Variants in CTNS observed in about 807,000 individuals in gnomAD.
CTNS encodes the protein cystinosin.
In CTNS, 27 loss-of-function variants were observed where a neutral mutation model predicts 43.7. The ratio of observed to expected loss-of-function variants is 0.62; its 90% CI spans 0.46 to 0.85. The LOEUF is 0.85. CTNS is among the 40% of genes least tolerant of loss of function. The probability of loss-of-function intolerance (pLI) is 0.00; values close to 1 mark genes in which losing one functional copy is unlikely to be tolerated. For synonymous variants in CTNS, 187 were observed against 190.6 expected, an observed-to-expected ratio of 0.98 and a Z score of 0.16; for missense variants, 457 against 475.4, an observed-to-expected ratio of 0.96 and a Z score of 0.36.
At position 3,662,299 on chromosome 17, in the gene CTNS, G is replaced by A. The variant is rs910790603; in HGVS notation, c.*1930G>A. The stretch of plus-strand genomic sequence containing the variant: ...GCACTCCAGCCTGGGCAACAAGAAC[G>A]AAACTCCATCTCAAAAAAAAAAAAA... On this transcript the variant is annotated 3_prime_UTR_variant, in exon 12 of 12. Transcript: ENST00000046640. Among the ~76,000 whole-genome samples the A allele has an allele frequency of 2.3e-5, 3 of 128,924 alleles. No homozygotes were observed. Among genetic ancestry groups the A allele is most frequent in the Middle Eastern group, 3.8e-3 (1 of 264 alleles). 84.6% of individuals were successfully genotyped at this position (128,924 alleles called of 152,430 possible).
chr17:3,654,944 G>A (rs761775514), intron 5 of CTNS, 54 bp from the exon 6 acceptor site: 18 of 1,272,996 alleles, frequency 1.4e-5, no homozygotes, highest in African/African-American at 2.9e-5. Context: ...AGATGCCAGC[G>A]GGGTCCTCGG....
At chr17:3,652,573 C>T (rs144224920) in intron 5 of CTNS, among the ~76,000 whole-genome samples, 1 of 152,220 alleles carries the variant, frequency 6.6e-6, no homozygotes, top group Non-Finnish European at 1.5e-5. Context: ...GCCTGGGTGA[C>T]ATGAGCAAAA....
At chr17:3,642,723 T>TA (rs1479801239) in intron 3 of CTNS, among the ~76,000 whole-genome samples, 2 of 152,098 alleles carry the variant, frequency 1.3e-5, no homozygotes, top group Non-Finnish European at 2.9e-5. Flanking sequence ...GAAGCCACCA[T>TA]AAAATCAAGT....
chr17:3,647,265 T>C (rs961400423), intron 3 of CTNS, among the ~76,000 whole-genome samples, 179 bp from the exon 4 acceptor site: 2 of 152,208 alleles, frequency 1.3e-5, no homozygotes, highest in Admixed American at 1.3e-4. Flanking sequence ...CATCTCTGTC[T>C]CTGGCAGCAG....
chr17:3,647,365 C>G, intron 3 of CTNS, 79 bp from the exon 4 acceptor site: 1 of 1,209,434 alleles, frequency 8.3e-7, no homozygotes. Context: ...GTTCAGATGT[C>G]AGGGGTTTCG....
chr17:3,660,306 C>G lies in CTNS; in HGVS notation c.1041C>G (p.Val347=), dbSNP rs779369414. The G allele has an allele frequency of 6.2e-6, 10 of 1,614,154 alleles. No homozygotes were observed. Among genetic ancestry groups the G allele is most frequent in the Non-Finnish European group, 8.5e-6 (10 of 1,180,054 alleles). ...GLGVFSIVFD[V]VFFIQHFCLY... ...GGGTCTTCTCCATCGTCTTCGACGT[C>G]GTCTTCTTCATCCAGCACTTCTGTT... is the stretch of plus-strand genomic sequence containing the variant. The change falls in exon 12 of 12, where the codon GTC becomes GTG. Residue 347 remains valine (V), a synonymous_variant. Coordinates refer to ENST00000046640, the MANE Select transcript of CTNS (RefSeq NM_004937.3).
At chr17:3,643,546 TAGTG>T (rs564523906) in intron 3 of CTNS, among the ~76,000 whole-genome samples, 1 of 152,026 alleles carries the variant, frequency 6.6e-6, no homozygotes, top group African/African-American at 2.4e-5. Flanking sequence ...GTGAGCGACA[TAGTG>T]AGACCCCATC....
chr17:3,660,256 G>A lies in CTNS; in HGVS notation c.991G>A (p.Gly331Arg), dbSNP rs142946535. ...AACAGACCAGTGGACGCTGATCTTC[G>A]GAGACCCAACCAAGTTTGGACTCGG... ...YNNDQWTLIF[G>R]DPTKFGLGVF... Residue 331 changes from glycine (G) to arginine (R), a missense_variant, in exon 12 of 12, where the codon GGA becomes AGA. Transcript: ENST00000046640. 2.9e-5 allele frequency: 47 copies of A among 1,614,204 alleles called. No homozygotes were observed. In the East Asian group the frequency reaches 7.4e-4, roughly 25 times the overall value.
chr17:3,648,586 A>G (rs2075900650), intron 4 of CTNS, among the ~76,000 whole-genome samples: 2 of 152,152 alleles, frequency 1.3e-5, no homozygotes, highest in South Asian at 4.1e-4. Context: ...GGGCCTCCAG[A>G]TGCCTCATTT....
intron 5 of CTNS, among the ~76,000 whole-genome samples, chr17:3,652,382 G>A (rs2076008401): frequency 1.3e-5 from 2 of 151,938 alleles, no homozygotes. Flanking sequence ...ACCTGAGGTT[G>A]GGAGCTCAAG....
In CTNS at chr17:3,639,019, C is replaced by T. The variant is rs202162188; in HGVS notation, c.-19-1169C>T. On this transcript the variant is annotated intron_variant, in intron 2 of 11. Coordinates refer to ENST00000046640, the MANE Select transcript of CTNS (RefSeq NM_004937.3). The stretch of plus-strand genomic sequence containing the variant: ...GCCAACAGAGGTCAGACAGCTGGAG[C>T]AGCCAGGGAGACTTCTTGAGGAGTG... Among the ~76,000 whole-genome samples, 4 of 152,118 alleles carry T rather than the reference C, an allele frequency of 2.6e-5. No individual in the cohort carries two copies. The East Asian group carries it at 7.7e-4, about 29-fold the overall frequency.
chr17:3,637,406 T>C (rs1453761217), intron 2 of CTNS, 90 bp downstream of exon 2: 1 of 152,160 alleles, frequency 6.6e-6, no homozygotes, highest in East Asian at 1.9e-4. Flanking sequence ...GCTGTGTATT[T>C]GTTTCTGTGG....
chr17:3,647,037 T>C (rs1165520929), intron 3 of CTNS, among the ~76,000 whole-genome samples: 1 of 152,180 alleles, frequency 6.6e-6, no homozygotes, highest in East Asian at 1.9e-4. Flanking sequence ...AGGACCATTT[T>C]GACTTCATGA....
chr17:3,648,967 G>C, intron 5 of CTNS, 36 bp downstream of exon 5: 1 of 1,510,192 alleles, frequency 6.6e-7, no homozygotes, highest in Non-Finnish European at 9.2e-7. Flanking sequence ...GTAGGGAAAT[G>C]CTAGGTAACA....
At position 3,660,322 on chromosome 17, in the gene CTNS, C is replaced by G. The variant is rs769659540; in HGVS notation, c.1057C>G (p.His353Asp). The G allele has an allele frequency of 1.9e-6, 3 of 1,614,254 alleles. No individual in the cohort carries two copies. The highest frequency in any genetic ancestry group is 2.5e-6 in the Non-Finnish European group (3 of 1,180,048). ...CTTCGACGTCGTCTTCTTCATCCAG[C>G]ACTTCTGTTTGTACAGAAAGAGACC... Reference protein sequence around the residue: ...IVFDVVFFIQHFCLYRKRPGY... With the variant: ...IVFDVVFFIQDFCLYRKRPGY... The change falls in exon 12 of 12, where the codon CAC (histidine) becomes GAC (aspartate). Residue 353 changes from histidine (H) to aspartate (D), a missense_variant. Coordinates refer to ENST00000046640, the MANE Select transcript of CTNS (RefSeq NM_004937.3).
chr17:3,660,273 T>A lies in CTNS; in HGVS notation c.1008T>A (p.Phe336Leu). 1 of 1,614,282 alleles carries A rather than the reference T, an allele frequency of 6.2e-7. No homozygotes were observed. The highest frequency in any genetic ancestry group is 8.5e-7 in the Non-Finnish European group (1 of 1,180,050). ...TGATCTTCGGAGACCCAACCAAGTT[T>A]GGACTCGGGGTCTTCTCCATCGTCT... ...WTLIFGDPTKFGLGVFSIVFD... is the reference protein window; with the variant it reads ...WTLIFGDPTKLGLGVFSIVFD... Residue 336 changes from phenylalanine (F) to leucine (L), a missense_variant, in exon 12 of 12, where the codon TTT (phenylalanine) becomes TTA (leucine). Phe to Leu is a conservative substitution (Grantham distance 22, BLOSUM62 0). Transcript: ENST00000046640.
Position 3,660,837 on chromosome 17 carries a change from C to T in CTNS, c.*468C>T, listed in dbSNP as rs1284050465. On this transcript the variant is annotated 3_prime_UTR_variant, in exon 12 of 12. Transcript: ENST00000046640. ...CAGTGAACTCAGAGGTGCTGGTGGA[C>T]GGGCTAGGACTTTGGGGTTAGGCCA... The T allele has an allele frequency of 1.4e-5, 22 of 1,547,596 alleles. No individual in the cohort carries two copies. Among genetic ancestry groups the T allele is most frequent in the East Asian group, 4.7e-5 (2 of 42,214 alleles).
chr17:3,655,493 G>A (rs973308264), intron 7 of CTNS, 141 bp downstream of exon 7: 27 of 1,295,590 alleles, frequency 2.1e-5, no homozygotes, highest in African/African-American at 2.9e-5. Context: ...GTCCCAGTGC[G>A]AAGGCTCGGA....
At chr17:3,659,581 A>T (rs375876447) in intron 10 of CTNS, among the ~76,000 whole-genome samples, 2 of 152,202 alleles carry the variant, frequency 1.3e-5, no homozygotes, top group Admixed American at 1.3e-4. Context: ...GGAGACGGGG[A>T]AGGCCGCATC....
Sources: gnomAD v4.1 joint callset for allele counts (sites outside exome capture counted in the v4.1 genomes callset) on GRCh38, gnomAD v4.1.1 for gene constraint, MANE v1.5 for transcripts, NCBI Gene and HGNC (gene_info 2026-07-23, HGNC 2026-07-21) for gene names.